Variants in PRMT8 observed in about 807,000 individuals in gnomAD.
PRMT8 encodes protein arginine N-methyltransferase 8.
Under a neutral mutation model 47.1 loss-of-function variants are expected in PRMT8, and 7 were observed. That is an observed-to-expected ratio of 0.15 (90% CI 0.08 to 0.28). The LOEUF (loss-of-function observed/expected upper bound fraction) is 0.28, where lower values mean the gene tolerates loss of function less well. Ranked by LOEUF, PRMT8 falls within the 10% of genes least tolerant of loss-of-function variation. PRMT8 has a pLI of 1.00. For missense variants in PRMT8, 237 were observed against 505.4 expected (o/e 0.47, Z 5.09); for synonymous variants, 188 against 186.5 (o/e 1.01, Z -0.07).
Position 3,552,539 on chromosome 12 carries a change from A to AG in PRMT8, c.418-1107dup. On this transcript the variant is annotated intron_variant, in intron 3 of 9. Transcript: ENST00000382622. This position sits in a 1 kb window ranked among gnomAD's most constrained non-coding sequence, Gnocchi z 4.5. ...GCAGATCAGATGATGACATGGCCAG[A>AG]GGGGGAGAAGAAGAGGAGGGAATCA... 6.1e-6 allele frequency: 2 copies of AG among 326,600 alleles called. No individual in the cohort carries two copies. The highest frequency in any genetic ancestry group is 8.8e-4 in the Middle Eastern group (1 of 1,132). The allele number at this position is 326,600 out of a possible 1,614,324, so 20.2% of individuals were successfully genotyped here. A position where few individuals can be genotyped will look rare whatever the true frequency, so the allele number is the denominator to read the frequency against.
At chr12:3,427,161 G>A (rs1409132699) in intron 1 of PRMT8, among the ~76,000 whole-genome samples, 1 of 152,042 alleles carries the variant, frequency 6.6e-6, no homozygotes, top group Non-Finnish European at 1.5e-5. Flanking sequence ...AATGTTTTCT[G>A]TATGATTTTT....
intron 7 of PRMT8, among the ~76,000 whole-genome samples, chr12:3,577,300 C>T (rs1866964090): frequency 6.6e-6 from 1 of 152,210 alleles, no homozygotes; most frequent in Non-Finnish European, 1.5e-5. Flanking sequence ...GGAGAGCGTG[C>T]TCAGGTTTGG....
At chr12:3,467,700 T>C (rs745459218) in intron 1 of PRMT8, among the ~76,000 whole-genome samples, 8 of 152,156 alleles carry the variant, frequency 5.3e-5, no homozygotes, top group Non-Finnish European at 8.8e-5. Context: ...AACCAGCAGA[T>C]AGACGTAGGA....
At chr12:3,587,633 C>T (rs1051740760) in intron 8 of PRMT8, among the ~76,000 whole-genome samples, 2 of 152,160 alleles carry the variant, frequency 1.3e-5, no homozygotes, top group Non-Finnish European at 2.9e-5. Flanking sequence ...TTTTGTGTTC[C>T]TTATTCCCTT....
intron 1 of PRMT8, among the ~76,000 whole-genome samples, chr12:3,407,561 C>T (rs994574972): frequency 1.3e-5 from 2 of 152,088 alleles, no homozygotes; most frequent in Non-Finnish European, 2.9e-5. Flanking sequence ...TTGTCCTTGA[C>T]TTTTGACTAT....
chr12:3,433,067 CG>C (rs1487351475), intron 1 of PRMT8, among the ~76,000 whole-genome samples: 6 of 152,288 alleles, frequency 3.9e-5, no homozygotes, highest in Admixed American at 1.3e-4. Context: ...GCAGTCCCAG[CG>C]GCAGTCTTCA....
At chr12:3,401,741 A>T (rs1198266158) in intron 1 of PRMT8, among the ~76,000 whole-genome samples, 1 of 152,150 alleles carries the variant, frequency 6.6e-6, no homozygotes, top group Non-Finnish European at 1.5e-5. Flanking sequence ...TACAAAAAGA[A>T]TAAAATACTT....
At chr12:3,540,283 C>T (rs1362090139) in intron 1 of PRMT8, among the ~76,000 whole-genome samples, 1 of 152,166 alleles carries the variant, frequency 6.6e-6, no homozygotes, top group Middle Eastern at 3.2e-3. Flanking sequence ...TCCTATTTGC[C>T]TTCAAAGGAA....
intron 1 of PRMT8, among the ~76,000 whole-genome samples, chr12:3,471,465 A>AT (rs1250954801): frequency 2.6e-5 from 4 of 151,910 alleles, no homozygotes; most frequent in Non-Finnish European, 5.9e-5. Flanking sequence ...CCAAGGGCAG[A>AT]TTTGTTTTCA....
intron 1 of PRMT8, among the ~76,000 whole-genome samples, chr12:3,452,777 C>T (rs747972580): frequency 2.0e-5 from 3 of 152,124 alleles, no homozygotes; most frequent in Admixed American, 6.5e-5. Context: ...GACTGGGGAA[C>T]GTTCAAGGCA....
rs1864402988 is a variant in PRMT8, at chr12:3,409,248, G to C, written c.48+27806G>C. Among the ~76,000 whole-genome samples, 2 of 152,138 alleles carry C rather than the reference G, an allele frequency of 1.3e-5. No homozygotes were observed. The highest frequency in any genetic ancestry group is 4.1e-4 in the South Asian group (2 of 4,828). On this transcript the variant is annotated intron_variant, in intron 1 of 9. Coordinates refer to the PRMT8 transcript ENST00000452611. This position sits in a 1 kb window ranked among gnomAD's most constrained non-coding sequence, Gnocchi z 4.4. ...ATTTTTAACTATGACCCTGACTCTGGGGTGCAGGGCACAGCACTGGCCCAG... is the reference window on the plus strand; with the variant it reads ...ATTTTTAACTATGACCCTGACTCTGCGGTGCAGGGCACAGCACTGGCCCAG...
chr12:3,569,144 T>C lies in PRMT8; in HGVS notation c.624+296T>C, dbSNP rs931394168. ...AGGTCCGTTTCGGTCAGCAAGTACT[T>C]AGGACTTGCATGGCTGCCAGAGCCA... On this transcript the variant is annotated intron_variant, in intron 5 of 9. Coordinates refer to ENST00000382622, the MANE Select transcript of PRMT8 (RefSeq NM_019854.5). The surrounding 1 kb of genome is among the most constrained non-coding windows in gnomAD (Gnocchi z 8.2). 2.0e-5 allele frequency among the ~76,000 whole-genome samples: 3 copies of C among 152,188 alleles called. No homozygotes were observed. Among genetic ancestry groups the C allele is most frequent in the African/African-American group, 7.2e-5 (3 of 41,436 alleles).
chr12:3,491,286 A>C lies in PRMT8; in HGVS notation c.-340A>C. ...GGACTTTGCGAGCAGCCTGGAGAGG[A>C]TCCGCGACCGCCGCCGCCGCCGCCG... On this transcript the variant is annotated 5_prime_UTR_variant, in exon 1 of 10. Coordinates refer to ENST00000382622, the MANE Select transcript of PRMT8 (RefSeq NM_019854.5). The C allele has an allele frequency of 8.9e-7, 1 of 1,124,750 alleles. No homozygotes were observed. The highest frequency in any genetic ancestry group is 1.1e-6 in the Non-Finnish European group (1 of 917,258). 69.7% of individuals were successfully genotyped at this position (1,124,750 alleles called of 1,614,324 possible).
At chr12:3,388,195 C>T (rs1301586005) in intron 1 of PRMT8, among the ~76,000 whole-genome samples, 1 of 152,076 alleles carries the variant, frequency 6.6e-6, no homozygotes, top group Non-Finnish European at 1.5e-5. Context: ...CCCCCTCAAC[C>T]CCGTTTCATG....
intron 1 of PRMT8, among the ~76,000 whole-genome samples, chr12:3,509,600 A>G (rs559663549): frequency 1.3e-5 from 2 of 152,238 alleles, no homozygotes; most frequent in Admixed American, 1.3e-4. Context: ...TCAATGAACT[A>G]TCATTGGCCA....
At chr12:3,396,389 C>G (rs1864248935) in intron 1 of PRMT8, among the ~76,000 whole-genome samples, 2 of 152,112 alleles carry the variant, frequency 1.3e-5, no homozygotes. Context: ...CCTTCAGGAG[C>G]TCTTTTAGGG....
intron 1 of PRMT8, among the ~76,000 whole-genome samples, chr12:3,445,729 A>G (rs1215192762): frequency 1.3e-5 from 2 of 152,194 alleles, no homozygotes; most frequent in East Asian, 3.8e-4. Context: ...GACGCTGGAG[A>G]TTCTGAAAAG....
intron 1 of PRMT8, among the ~76,000 whole-genome samples, chr12:3,398,180 G>C (rs1279436257): frequency 6.6e-6 from 1 of 152,214 alleles, no homozygotes; most frequent in African/African-American, 2.4e-5. Flanking sequence ...CGTCGCTCAT[G>C]CTGTGAGCTG....
intron 1 of PRMT8, among the ~76,000 whole-genome samples, chr12:3,419,444 T>A (rs1555077825): frequency 6.6e-6 from 1 of 152,166 alleles, no homozygotes; most frequent in Non-Finnish European, 1.5e-5. Context: ...AGCTGCATGC[T>A]TTCTTTTACC....
Sources: allele counts gnomAD v4.1 joint callset (sites outside exome capture counted in the v4.1 genomes callset), GRCh38; gene constraint gnomAD v4.1.1; non-coding constraint Gnocchi (gnomAD v3.1); transcripts MANE v1.5; gene names NCBI Gene and HGNC (gene_info 2026-07-23, HGNC 2026-07-21).